MTERF4: variants seen among roughly 807,000 people sequenced by gnomAD.
MTERF4 encodes mitochondrial transcription termination factor 4, also known as transcription termination factor 4, mitochondrial.
Under a neutral mutation model 22.5 loss-of-function variants are expected in MTERF4, and 17 were observed. The observed-to-expected ratio is 0.75, with a 90% CI of 0.52 to 1.13. MTERF4 has a LOEUF of 1.13. Ranked by LOEUF, MTERF4 falls within the 50% of genes most tolerant of loss-of-function variation. MTERF4 has a pLI of 0.00. For missense variants in MTERF4, 420 were observed against 466.8 expected, an observed-to-expected ratio of 0.90 and a Z score of 0.92; for synonymous variants, 165 against 175.3, an observed-to-expected ratio of 0.94 and a Z score of 0.47.
At chr2:241,082,195 T>G, downstream of MTERF4, 1 of 1,153,714 alleles carries the variant, frequency 8.7e-7, no homozygotes, top group Non-Finnish European at 1.3e-6. Flanking sequence ...CCCCGGGCCC[T>G]CTCCCTTGGG....
the MTERF4 span, among the ~76,000 whole-genome samples, chr2:241,046,794 T>A: frequency 6.6e-6 from 1 of 152,190 alleles, no homozygotes; most frequent in Non-Finnish European, 1.5e-5. Context: ...AATTTTACTG[T>A]ATACTGATTT....
rs762475198 is a variant in MTERF4 at position 241,099,667 on chromosome 2, A to AT, written c.248_249insA (p.Pro84SerfsTer27). On this transcript the variant is annotated frameshift_variant, in exon 2 of 4. Transcript: ENST00000391980. LOFTEE classifies it high-confidence loss of function. ...GCTCCAAGGACCCTTGTACCACAGG[A>AT]GTCCCCTGCTTCTCAAGGAGGCACT... The AT allele has an allele frequency of 1.2e-6, 2 of 1,614,200 alleles. No individual in the cohort carries two copies. The highest frequency in any genetic ancestry group is 3.3e-5 in the Admixed American group (2 of 60,022).
At chr2:241,099,305 C>A in intron 2 of MTERF4, 91 bp downstream of exon 2, 1 of 1,412,392 alleles carries the variant, frequency 7.1e-7, no homozygotes, top group East Asian at 2.3e-5. Context: ...GAACCCCTGA[C>A]CTCAAGTGAT....
chr2:241,077,032 TTG>T (rs2063058389), intron 4 of MTERF4, among the ~76,000 whole-genome samples: 1 of 151,668 alleles, frequency 6.6e-6, no homozygotes, highest in East Asian at 1.9e-4. Flanking sequence ...TGAGCTGAGA[TTG>T]CGCCACTGCA....
chr2:241,102,268 AG>A lies in MTERF4; in HGVS notation c.5del (p.Ala2ValfsTer13). ...TCGAGCTTACCTGACGGCCGAACGC[AG>A]CCATAGCGCGGAGAAGATGGCAGCA... MAAFGRQVLDWH... is the reference protein window; with the variant it reads MXAFGRQVLDWH... On this transcript the variant is annotated frameshift_variant, in exon 1 of 4. Coordinates refer to ENST00000391980, the MANE Select transcript of MTERF4 (RefSeq NM_182501.4). LOFTEE classifies it high-confidence loss of function. 6.5e-7 allele frequency: 1 copy of A among 1,549,580 alleles called. No homozygotes were observed. The highest frequency in any genetic ancestry group is 8.7e-7 in the Non-Finnish European group (1 of 1,146,088).
chr2:241,088,767 C>G, downstream of MTERF4: 1 of 278,778 alleles, frequency 3.6e-6, no homozygotes, highest in Admixed American at 5.0e-5. Context: ...CCACCTGGCA[C>G]CTGGGAGGAG....
At chr2:241,079,741 G>A (rs2063238176) in intron 4 of MTERF4, among the ~76,000 whole-genome samples, 1 of 151,992 alleles carries the variant, frequency 6.6e-6, no homozygotes, top group Admixed American at 6.5e-5. Flanking sequence ...AACCACACAG[G>A]AAAAAAATAT....
At chr2:241,088,831 G>A (rs1575146443), downstream of MTERF4, 1 of 218,604 alleles carries the variant, frequency 4.6e-6, no homozygotes, top group South Asian at 1.0e-4. Flanking sequence ...GGGGCTCCAG[G>A]AGAGGGCTGA....
chr2:241,065,692 C>G, the MTERF4 span: 1 of 1,039,444 alleles, frequency 9.6e-7, no homozygotes, highest in Admixed American at 2.5e-5. Context: ...TGCCGTCCAC[C>G]CTCCTAGTTC....
rs1285832816 is a variant in MTERF4, at chr2:241,101,947, G to A, written c.21+306C>T. Among the ~76,000 whole-genome samples the A allele has an allele frequency of 3.3e-5, 5 of 152,230 alleles. No individual in the cohort carries two copies. In the East Asian group the frequency reaches 7.7e-4, roughly 24 times the overall value. On this transcript the variant is annotated intron_variant, in intron 1 of 3. Coordinates refer to ENST00000391980, the MANE Select transcript of MTERF4 (RefSeq NM_182501.4). ...GGGCGCCTGTAATCCCAGCTACTTG[G>A]GAGGCTGAAGCAGTAGAATTGCTTG...
chr2:241,052,413 C>A, the MTERF4 span: 1 of 1,605,514 alleles, frequency 6.2e-7, no homozygotes, highest in South Asian at 1.1e-5. Flanking sequence ...AGGACCGGGA[C>A]ACGGATTTCT....
chr2:241,078,868 C>T (rs1559305884), intron 4 of MTERF4, among the ~76,000 whole-genome samples: 1 of 152,014 alleles, frequency 6.6e-6, no homozygotes, highest in Non-Finnish European at 1.5e-5. Context: ...AATCCCAGCA[C>T]TTTGGGAGGC....
At chr2:241,058,678 C>T in the MTERF4 span, among the ~76,000 whole-genome samples, 60 of 152,260 alleles carry the variant, frequency 3.9e-4, no homozygotes, top group African/African-American at 1.3e-3. Context: ...GGGCCGGGCG[C>T]GGTGGCTCAT....
At chr2:241,056,663 C>T in the MTERF4 span, among the ~76,000 whole-genome samples, 2 of 143,228 alleles carry the variant, frequency 1.4e-5, no homozygotes, top group Non-Finnish European at 3.0e-5. Flanking sequence ...TCACTGCAAT[C>T]TCCGCCTCCT....
chr2:241,045,732 T>C, the MTERF4 span, among the ~76,000 whole-genome samples: 2 of 149,896 alleles, frequency 1.3e-5, no homozygotes, highest in Admixed American at 1.3e-4. Context: ...AAAAAATTTA[T>C]GACCTGGTCT....
exon 5 of MTERF4, chr2:241,072,400 A>G: frequency 2.8e-6 from 1 of 362,848 alleles, no homozygotes; most frequent in Non-Finnish European, 5.4e-6. Flanking sequence ...TCTGCCTGTG[A>G]TTCTGACACA....
chr2:241,042,776 T>A, the MTERF4 span, among the ~76,000 whole-genome samples: 1 of 152,234 alleles, frequency 6.6e-6, no homozygotes, highest in African/African-American at 2.4e-5. Flanking sequence ...GAAAGATCAA[T>A]GAACCTGAAG....
At chr2:241,090,238 A>G, downstream of MTERF4, 2 of 1,494,830 alleles carry the variant, frequency 1.3e-6, no homozygotes. Flanking sequence ...AACTTTTGTT[A>G]AAAACTAAGA....
At chr2:241,094,734 C>T (rs6719155), downstream of MTERF4, 55,134 of 200,944 alleles carry the variant, frequency 0.27, 11,548 homozygotes, top group African/African-American at 0.62. This position sits in a 1 kb window ranked among gnomAD's most constrained non-coding sequence, Gnocchi z 4.3. Context: ...CAGGATGTTT[C>T]ACAGCACCCC....
Sources: gnomAD v4.1 joint callset for allele counts (sites outside exome capture counted in the v4.1 genomes callset) on GRCh38, gnomAD v4.1.1 for gene constraint, Gnocchi (gnomAD v3.1) non-coding constraint, MANE v1.5 for transcripts, NCBI Gene and HGNC (gene_info 2026-07-23, HGNC 2026-07-21) for gene names.